SLC12A5: variants seen among roughly 807,000 people sequenced by gnomAD.
SLC12A5 encodes the protein K-Cl cotransporter 2.
A neutral mutation model predicts 124.0 loss-of-function variants in SLC12A5; 18 were observed. That is an observed-to-expected ratio of 0.15 (90% confidence interval 0.10 to 0.22). The LOEUF is 0.22. Among genes scored for constraint, SLC12A5 ranks in the 10% least tolerant of loss-of-function variants. The pLI, the probability that SLC12A5 is intolerant of heterozygous loss-of-function variation, is 1.00. For missense variants in SLC12A5, 867 were observed against 1,478.7 expected (o/e 0.59, Z 6.78); for synonymous variants, 589 against 568.0 (o/e 1.04, Z -0.53).
At chr20:46,027,965 C>A (rs6017727), upstream of SLC12A5, among the ~76,000 whole-genome samples, 21 of 152,238 alleles carry the variant, frequency 1.4e-4, no homozygotes, top group African/African-American at 4.6e-4. Context: ...AGAGCTAGTA[C>A]CAGTGTGAAG....
rs2084735850 is a variant in SLC12A5, at chr20:46,059,694, T to C, written c.*2089T>C. ...TGTGCTACATGTGCAATATTTGTTA[T>C]GAATGTTATCACAAGTCATTCATCA... is the stretch of plus-strand genomic sequence containing the variant. On this transcript the variant is annotated 3_prime_UTR_variant, in exon 26 of 26. Coordinates refer to ENST00000243964, the MANE Select transcript of SLC12A5 (RefSeq NM_020708.5). 1 of 399,066 alleles carries C rather than the reference T, an allele frequency of 2.5e-6. No homozygotes were observed. The highest frequency in any genetic ancestry group is 4.4e-5 in the Admixed American group (1 of 22,742). The allele number at this position is 399,066 out of a possible 1,614,324, so 24.7% of individuals were successfully genotyped here.
intron 17 of SLC12A5, among the ~76,000 whole-genome samples, chr20:46,051,462 C>CA (rs1296968049): frequency 6.6e-6 from 1 of 151,964 alleles, no homozygotes; most frequent in Non-Finnish European, 1.5e-5. Flanking sequence ...GTGGTCAGAT[C>CA]ATGAAGAGCC....
intron 17 of SLC12A5, among the ~76,000 whole-genome samples, chr20:46,050,884 G>A (rs1337218192): frequency 6.6e-6 from 1 of 152,180 alleles, no homozygotes; most frequent in African/African-American, 2.4e-5. Flanking sequence ...AATTCCTCAG[G>A]CAGGATACTA....
At position 46,041,597 on chromosome 20, in the gene SLC12A5, G is replaced by A. The variant is rs2084548514; in HGVS notation, c.1066+57G>A. On this transcript the variant is annotated intron_variant, in intron 8 of 25. Transcript: ENST00000243964. Reference sequence around the variant, plus strand: ...GAACGCTGCAGGGATTGTAGGTTAAGCGGTCAGGATTAAGGGGCCCTCCTT... The same window carrying A: ...GAACGCTGCAGGGATTGTAGGTTAAACGGTCAGGATTAAGGGGCCCTCCTT... The A allele has an allele frequency of 1.6e-5, 26 of 1,590,054 alleles. 1 individual carries two copies. In the South Asian group the frequency reaches 2.7e-4, roughly 16 times the overall value.
chr20:46,035,168 C>A, intron 2 of SLC12A5, 126 bp downstream of exon 2: 1 of 1,091,978 alleles, frequency 9.2e-7, no homozygotes. Context: ...TACCTTCTTC[C>A]TTGAGCCTCC....
Position 46,047,305 on chromosome 20 carries a change from TG to T in SLC12A5, c.1788-145del, listed in dbSNP as rs201118259. The stretch of plus-strand genomic sequence containing the variant: ...AGATCCCATATCCCCGTAGTCCTCA[TG>T]GGGATGATGGTGTGAGTTCCCCTAG... On this transcript the variant is annotated intron_variant, in intron 14 of 25. Coordinates refer to ENST00000243964, the MANE Select transcript of SLC12A5 (RefSeq NM_020708.5). The T allele has an allele frequency of 1.3e-3, 1,302 of 973,226 alleles. 22 individuals are homozygous for T. The East Asian group carries it at 0.031, about 23-fold the overall frequency. The allele number at this position is 973,226 out of a possible 1,614,324, so 60.3% of individuals were successfully genotyped here.
rs747961455 is a variant in SLC12A5, at chr20:46,058,395, G to T, written c.*790G>T. ...CCTTGGCTTCCCACCCTCCTCTCCA[G>T]TCCTTTTCCGAGATGAGGTGAGACA... On this transcript the variant is annotated 3_prime_UTR_variant, in exon 26 of 26. Transcript: ENST00000243964. The surrounding 1 kb of genome is among the most constrained non-coding windows in gnomAD (Gnocchi z 5.8). The T allele has an allele frequency of 1.0e-4, 40 of 398,602 alleles. No homozygotes were observed. The highest frequency in any genetic ancestry group is 1.6e-4 in the Non-Finnish European group (36 of 226,110). The allele number at this position is 398,602 out of a possible 1,614,324, so 24.7% of individuals were successfully genotyped here.
rs551739878 is a variant in SLC12A5, at chr20:46,046,200, C to T, written c.1689-138C>T. The T allele has an allele frequency of 4.2e-5, 37 of 872,360 alleles. No individual in the cohort carries two copies. In the African/African-American group the frequency reaches 4.8e-4, roughly 11 times the overall value. The allele number at this position is 872,360 out of a possible 1,614,324, so 54.0% of individuals were successfully genotyped here. A position where few individuals can be genotyped will look rare whatever the true frequency, so the allele number is the denominator to read the frequency against. On this transcript the variant is annotated intron_variant, in intron 13 of 25. Coordinates refer to ENST00000243964, the MANE Select transcript of SLC12A5 (RefSeq NM_020708.5). ...GTTGTGAGGGTATTTGGCTTGAAACCCCTTCCTAAGCACCACAGCATGATC... is the reference window on the plus strand; with the variant it reads ...GTTGTGAGGGTATTTGGCTTGAAACTCCTTCCTAAGCACCACAGCATGATC...
chr20:46,037,934 A>G (rs1017685051), intron 6 of SLC12A5, among the ~76,000 whole-genome samples: 7 of 152,222 alleles, frequency 4.6e-5, no homozygotes, highest in Non-Finnish European at 1.0e-4. Context: ...AGGGATCCGT[A>G]TAAAGACATC....
chr20:46,055,269 T>C (rs2084679614), intron 21 of SLC12A5, among the ~76,000 whole-genome samples: 1 of 152,190 alleles, frequency 6.6e-6, no homozygotes, highest in African/African-American at 2.4e-5. Context: ...CTCCTCTGTA[T>C]GTGACTTCTG....
rs1359639444 is a variant in SLC12A5, at chr20:46,053,651, A to T, written c.2621A>T (p.Asp874Val). ...GACAATAGCATCCAGATGAAGAAGG[A>T]TCTGACCACATTTCTGTATCATTTA... ...MDDNSIQMKKDLTTFLYHLRI... is the reference protein window; with the variant it reads ...MDDNSIQMKKVLTTFLYHLRI... The change falls in exon 20 of 26, where the codon GAT (aspartate) becomes GTT (valine). Residue 874 changes from aspartate (D) to valine (V), a missense_variant. Physicochemically the swap from Asp to Val is radical, Grantham distance 152. Transcript: ENST00000243964. The surrounding 1 kb of genome is among the most constrained non-coding windows in gnomAD (Gnocchi z 4.7). 6.2e-7 allele frequency: 1 copy of T among 1,613,598 alleles called. No homozygotes were observed. Among genetic ancestry groups the T allele is most frequent in the Non-Finnish European group, 8.5e-7 (1 of 1,179,706 alleles).
chr20:46,056,359 C>A lies in SLC12A5; in HGVS notation c.2911-6C>A, dbSNP rs764840858. ...CTCAACTGCCATCGCTTCATTCATC[C>A]CTCAGGTGCAGCTGATCCACGATCA... is the stretch of plus-strand genomic sequence containing the variant. On this transcript the variant is annotated splice_region_variant and splice_polypyrimidine_tract_variant and intron_variant, in intron 22 of 25. Transcript: ENST00000243964. This position sits in a 1 kb window ranked among gnomAD's most constrained non-coding sequence, Gnocchi z 4.3. 6.2e-7 allele frequency: 1 copy of A among 1,609,014 alleles called. No individual in the cohort carries two copies. The highest frequency in any genetic ancestry group is 8.5e-7 in the Non-Finnish European group (1 of 1,177,134).
intron 10 of SLC12A5, 29 bp from the exon 11 acceptor site, chr20:46,043,847 T>C: frequency 1.9e-6 from 3 of 1,613,680 alleles, no homozygotes; most frequent in Non-Finnish European, 2.5e-6. Context: ...GACTGAACCG[T>C]GGGGATTCTC....
chr20:46,053,221 G>A lies in SLC12A5; in HGVS notation c.2547+95G>A, dbSNP rs1469037690. The A allele has an allele frequency of 6.5e-6, 9 of 1,376,968 alleles. No individual in the cohort carries two copies. The East Asian group carries it at 9.9e-5, about 15-fold the overall frequency. 85.3% of individuals were successfully genotyped at this position (1,376,968 alleles called of 1,614,324 possible). A position where few individuals can be genotyped will look rare whatever the true frequency, so the allele number is the denominator to read the frequency against. On this transcript the variant is annotated intron_variant, in intron 19 of 25. Coordinates refer to ENST00000243964, the MANE Select transcript of SLC12A5 (RefSeq NM_020708.5). The surrounding 1 kb of genome is among the most constrained non-coding windows in gnomAD (Gnocchi z 4.7). ...GCACAACTGCAGGTCAGACTCAGGG[G>A]CTCTGGCCAGGGTCAGCTTCCGTGT...
At chr20:46,038,806 C>A (rs568327879) in intron 6 of SLC12A5, among the ~76,000 whole-genome samples, 1 of 152,164 alleles carries the variant, frequency 6.6e-6, no homozygotes, top group Non-Finnish European at 1.5e-5. Context: ...GTCCTCTATA[C>A]CACACTGCCT....
At chr20:46,028,390 C>T (rs1160818145), upstream of SLC12A5, among the ~76,000 whole-genome samples, 1 of 152,140 alleles carries the variant, frequency 6.6e-6, no homozygotes, top group African/African-American at 2.4e-5. Flanking sequence ...CTCTTCTGCT[C>T]CTCCTCACCA....
chr20:46,021,858 C>G (rs1332837812), exon 1 of SLC12A5: 1 of 1,531,020 alleles, frequency 6.5e-7, no homozygotes, highest in African/African-American at 1.4e-5. Flanking sequence ...TCGCAGACCC[C>G]CGCCACCTCC....
chr20:46,044,448 C>T (rs1475240134), intron 11 of SLC12A5, among the ~76,000 whole-genome samples: 2 of 152,106 alleles, frequency 1.3e-5, no homozygotes, highest in Non-Finnish European at 2.9e-5. Flanking sequence ...GGAGGGGAGG[C>T]TAGAAGTGTC....
intron 15 of SLC12A5, 100 bp downstream of exon 15, chr20:46,047,673 A>T: frequency 2.0e-6 from 3 of 1,464,216 alleles, no homozygotes; most frequent in Non-Finnish European, 2.8e-6. Context: ...TGGGGGTGAG[A>T]TGAAGCAGGG....
Sources: gnomAD v4.1 joint callset for allele counts (sites outside exome capture counted in the v4.1 genomes callset) on GRCh38, gnomAD v4.1.1 for gene constraint, Gnocchi (gnomAD v3.1) non-coding constraint, MANE v1.5 for transcripts, NCBI Gene and HGNC (gene_info 2026-07-23, HGNC 2026-07-21) for gene names.